Variants in DIS3 observed in about 807,000 individuals in gnomAD.
DIS3 encodes exosome complex exonuclease RRP44.
Under a neutral mutation model 113.0 loss-of-function variants are expected in DIS3, and 103 were observed. That is an observed-to-expected ratio of 0.91 (90% CI 0.78 to 1.07). DIS3 has a LOEUF of 1.07. Ranked by LOEUF, DIS3 falls within the 50% of genes least tolerant of loss-of-function variation. The pLI is 0.00. For synonymous variants in DIS3, 402 were observed against 394.3 expected (o/e 1.02, Z -0.23); for missense variants, 1,121 against 1,167.1 (o/e 0.96, Z 0.58).
chr13:72,762,360 G>A (rs1447724441), intron 16 of DIS3, among the ~76,000 whole-genome samples: 1 of 152,248 alleles, frequency 6.6e-6, no homozygotes, highest in South Asian at 2.1e-4. Flanking sequence ...TTCTACCCTA[G>A]GGAGATGAGT....
chr13:72,752,233 A>G lies in DIS3; in HGVS notation c.*7562T>C, dbSNP rs2138108031. On this transcript the variant is annotated 3_prime_UTR_variant, in exon 21 of 21. Coordinates refer to ENST00000377767, the MANE Select transcript of DIS3 (RefSeq NM_014953.5). The stretch of plus-strand genomic sequence containing the variant: ...TAAGGCAAGATTTACATAGCAGTGA[A>G]TAGAACATGACTTTTTAATTTTTGT... The G allele has an allele frequency of 6.6e-6, 1 of 152,320 alleles. No homozygotes were observed. The highest frequency in any genetic ancestry group is 1.5e-5 in the Non-Finnish European group (1 of 68,020). The allele number at this position is 152,320 out of a possible 1,614,324, so 9.4% of individuals were successfully genotyped here.
intron 15 of DIS3, among the ~76,000 whole-genome samples, chr13:72,764,623 C>T (rs1217082950): frequency 6.6e-6 from 1 of 152,140 alleles, no homozygotes; most frequent in Non-Finnish European, 1.5e-5. Context: ...ATACATTTTT[C>T]GGTTAGTTTA....
Position 72,781,626 on chromosome 13 carries a change from G to A in DIS3, c.207C>T (p.Asp69=). The part of the protein sequence containing the change: ...VCPQPHYLLP[D]TNVLLHQIDV... The stretch of plus-strand genomic sequence containing the variant: ...GCACCTGGTGCAGTAACACATTAGT[G>A]TCGGGCAGCAAGTAGTGCGGTTGCG... Residue 69 remains aspartate, a synonymous_variant, in exon 1 of 21, where the codon GAC becomes GAT. Transcript: ENST00000377767. 6.5e-7 allele frequency: 1 copy of A among 1,536,630 alleles called. No homozygotes were observed. The highest frequency in any genetic ancestry group is 1.2e-5 in the South Asian group (1 of 82,778).
In DIS3 at chr13:72,772,747, A is replaced by C. The variant is rs1420455011; in HGVS notation, c.1332T>G (p.Phe444Leu). The part of the protein sequence containing the change: ...LLEHDVPHQP[F>L]SQAVLSFLPK... ...GCAGAAAACTAAGAACAGCCTGTGAAAAAGGCTGATGGGGAACATCGTGTT... is the reference window on the plus strand; with the variant it reads ...GCAGAAAACTAAGAACAGCCTGTGACAAAGGCTGATGGGGAACATCGTGTT... Residue 444 changes from phenylalanine (F) to leucine (L), a missense_variant, in exon 9 of 21, where the codon TTT becomes TTG. Physicochemically the swap from Phe to Leu is conservative, Grantham distance 22 (BLOSUM62 0). Coordinates refer to ENST00000377767, the MANE Select transcript of DIS3 (RefSeq NM_014953.5). 1.9e-5 allele frequency: 30 copies of C among 1,613,504 alleles called. No homozygotes were observed. The highest frequency in any genetic ancestry group is 2.5e-5 in the Non-Finnish European group (29 of 1,179,928).
Position 72,768,648 on chromosome 13 carries a change from A to T in DIS3, c.1883+137T>A, listed in dbSNP as rs957371901. On this transcript the variant is annotated intron_variant, in intron 14 of 20. Coordinates refer to ENST00000377767, the MANE Select transcript of DIS3 (RefSeq NM_014953.5). ...GACAGAGTAAAACTCCGTTTCAAAT[A>T]CATACATACATACATAAATGGAAGC... 11 of 525,682 alleles carry T rather than the reference A, an allele frequency of 2.1e-5. No individual in the cohort carries two copies. The African/African-American group carries it at 2.2e-4, about 10-fold the overall frequency. 32.6% of individuals were successfully genotyped at this position (525,682 alleles called of 1,614,324 possible).
rs1234540710 is a variant in DIS3, at chr13:72,780,977, G to C, written c.255C>G (p.Ile85Met). 2 of 1,610,748 alleles carry C rather than the reference G, an allele frequency of 1.2e-6. No homozygotes were observed. Among genetic ancestry groups the C allele is most frequent in the East Asian group, 2.2e-5 (1 of 44,858 alleles). Residue 85 changes from isoleucine (I) to methionine (M), a missense_variant, in exon 2 of 21, where the codon ATC becomes ATG. Ile to Met is a conservative substitution (Grantham distance 10). Transcript: ENST00000377767. ...CTGTTTGTAGCACAATTACATTCCT[G>C]ATGGCAGGGTCCTCAAGAACATCAA... ...HQIDVLEDPA[I>M]RNVIVLQTVL... is the part of the protein sequence containing the mutation.
rs2033495028 is a variant in DIS3 at position 72,757,052 on chromosome 13, GA to G, written c.*2742del. 1 of 152,112 alleles carries G rather than the reference GA, an allele frequency of 6.6e-6. No individual in the cohort carries two copies. Among genetic ancestry groups the G allele is most frequent in the Non-Finnish European group, 1.5e-5 (1 of 68,008 alleles). 9.4% of individuals were successfully genotyped at this position (152,112 alleles called of 1,614,324 possible). On this transcript the variant is annotated 3_prime_UTR_variant, in exon 21 of 21. Transcript: ENST00000377767. ...TAGAAACAGAACATTTTAGATTATGGAATAGAACTTAGGGGAAAATAGCAAA... is the reference window on the plus strand; with the variant it reads ...TAGAAACAGAACATTTTAGATTATGGATAGAACTTAGGGGAAAATAGCAAA...
intron 4 of DIS3, 104 bp downstream of exon 4, chr13:72,777,316 T>G (rs569249788): frequency 9.4e-7 from 1 of 1,059,168 alleles, no homozygotes; most frequent in East Asian, 2.6e-5. Context: ...CAAATCCAGC[T>G]TACCCACCGA....
chr13:72,774,117 T>C, intron 6 of DIS3, 58 bp from the exon 7 acceptor site: 2 of 1,229,992 alleles, frequency 1.6e-6, no homozygotes, highest in Non-Finnish European at 2.3e-6. Context: ...TCAGGCAATT[T>C]CCTTTCAAAA....
chr13:72,769,238 G>A (rs1046028600), intron 13 of DIS3, among the ~76,000 whole-genome samples: 5 of 152,140 alleles, frequency 3.3e-5, no homozygotes, highest in Non-Finnish European at 2.9e-5. Flanking sequence ...ACAAAGGTAG[G>A]TTAGATCGAT....
rs1593823248 is a variant in DIS3 at position 72,753,092 on chromosome 13, A to G, written c.*6703T>C. 6.6e-6 allele frequency: 1 copy of G among 152,246 alleles called. No homozygotes were observed. The highest frequency in any genetic ancestry group is 6.5e-5 in the Admixed American group (1 of 15,280). 9.4% of individuals were successfully genotyped at this position (152,246 alleles called of 1,614,324 possible). ...GAAAGGAGAAAAAAATATTAAATATATAGAGATAGTGCCTGGCCTTTTTAG... is the reference window on the plus strand; with the variant it reads ...GAAAGGAGAAAAAAATATTAAATATGTAGAGATAGTGCCTGGCCTTTTTAG... On this transcript the variant is annotated 3_prime_UTR_variant, in exon 21 of 21. Transcript: ENST00000377767.
intron 2 of DIS3, among the ~76,000 whole-genome samples, chr13:72,780,478 A>ATT (rs1462420999): frequency 6.6e-6 from 1 of 152,106 alleles, no homozygotes; most frequent in Non-Finnish European, 1.5e-5. Context: ...AAACTCATAT[A>ATT]TTTTATTACC....
At chr13:72,775,427 A>T in intron 5 of DIS3, 52 bp from the exon 6 acceptor site, 1 of 1,517,514 alleles carries the variant, frequency 6.6e-7, no homozygotes. Flanking sequence ...ATGGCAATAT[A>T]ATAAAGGGAA....
chr13:72,760,722 T>A, intron 19 of DIS3, 71 bp from the exon 20 acceptor site: 1 of 1,533,394 alleles, frequency 6.5e-7, no homozygotes, highest in Non-Finnish European at 8.8e-7. Flanking sequence ...TCCTTTACAA[T>A]TTATCTTACA....
intron 9 of DIS3, 51 bp from the exon 10 acceptor site, chr13:72,772,326 C>T (rs761161894): frequency 4.7e-5 from 63 of 1,351,508 alleles, no homozygotes; most frequent in Non-Finnish European, 6.2e-5. Context: ...AGCACAACTA[C>T]AACATATTAA....
At chr13:72,771,278 A>G in intron 11 of DIS3, 133 bp from the exon 12 acceptor site, 1 of 706,738 alleles carries the variant, frequency 1.4e-6, no homozygotes, top group Non-Finnish European at 2.3e-6. Flanking sequence ...AGGAGAATTG[A>G]GAAAAGGTCA....
chr13:72,760,832 GCTTA>G (rs2033605342), intron 19 of DIS3, among the ~76,000 whole-genome samples, 181 bp from the exon 20 acceptor site: 1 of 151,954 alleles, frequency 6.6e-6, no homozygotes, highest in African/African-American at 2.4e-5. Context: ...CTACTTATGT[GCTTA>G]CTTTCTCCTT....
At position 72,758,702 on chromosome 13, in the gene DIS3, T is replaced by G. The variant is rs2033553647; in HGVS notation, c.*1093A>C. On this transcript the variant is annotated 3_prime_UTR_variant, in exon 21 of 21. Coordinates refer to ENST00000377767, the MANE Select transcript of DIS3 (RefSeq NM_014953.5). The stretch of plus-strand genomic sequence containing the variant: ...GAAAAATTAGTCAACATTTATTGAG[T>G]GCCTAAATGACTACCTATTTAGTAT... 4.7e-6 allele frequency: 1 copy of G among 213,482 alleles called. No individual in the cohort carries two copies. Among genetic ancestry groups the G allele is most frequent in the African/African-American group, 2.3e-5 (1 of 44,290 alleles). 13.2% of individuals were successfully genotyped at this position (213,482 alleles called of 1,614,324 possible).
chr13:72,763,396 A>T, intron 16 of DIS3, 55 bp downstream of exon 16: 1 of 1,516,776 alleles, frequency 6.6e-7, no homozygotes. Context: ...AATTATTTAG[A>T]ACAACAGGTA....
Sources: gnomAD v4.1 joint callset for allele counts (sites outside exome capture counted in the v4.1 genomes callset) on GRCh38, gnomAD v4.1.1 for gene constraint, MANE v1.5 for transcripts, NCBI Gene and HGNC (gene_info 2026-07-23, HGNC 2026-07-21) for gene names.